EOGT: variants seen among roughly 807,000 people sequenced by gnomAD.
EOGT encodes the protein EGF domain specific O-linked N-acetylglucosamine transferase, also known as EGF domain-specific O-linked N-acetylglucosamine transferase.
Under a neutral mutation model 70.5 loss-of-function variants are expected in EOGT, and 55 were observed. The observed-to-expected ratio is 0.78, with a 90% confidence interval of 0.63 to 0.98. The LOEUF (loss-of-function observed/expected upper bound fraction) is 0.98. Ranked by LOEUF, EOGT falls within the 50% of genes least tolerant of loss-of-function variation. The pLI is 0.00. For missense variants in EOGT, 703 were observed against 641.9 expected (o/e 1.10, Z -1.03); for synonymous variants, 246 against 217.1 (o/e 1.13, Z -1.17).
At chr3:68,986,060 C>T (rs1196343066) in intron 14 of EOGT, among the ~76,000 whole-genome samples, 1 of 152,180 alleles carries the variant, frequency 6.6e-6, no homozygotes, top group African/African-American at 2.4e-5. Flanking sequence ...TTATATCTCC[C>T]TCTCCCACTT....
intron 10 of EOGT, among the ~76,000 whole-genome samples, chr3:68,990,074 T>A (rs1400248521): frequency 1.3e-5 from 2 of 152,204 alleles, no homozygotes; most frequent in East Asian, 3.8e-4. Flanking sequence ...TATATAATAA[T>A]AATAGCATCT....
chr3:68,992,514 G>T (rs2091022396), intron 10 of EOGT, among the ~76,000 whole-genome samples: 1 of 152,202 alleles, frequency 6.6e-6, no homozygotes, highest in East Asian at 1.9e-4. Context: ...CTGTGGTTTT[G>T]CAGGGTACAG....
At chr3:69,002,059 G>A (rs923660865) in intron 8 of EOGT, among the ~76,000 whole-genome samples, 11 of 152,206 alleles carry the variant, frequency 7.2e-5, no homozygotes, top group Non-Finnish European at 1.0e-4. Context: ...GCGTAGTGGC[G>A]AGCGCCTTTA....
intron 10 of EOGT, among the ~76,000 whole-genome samples, chr3:68,989,748 CAAA>C (rs56000169): frequency 3.2e-5 from 3 of 93,224 alleles, no homozygotes; most frequent in Non-Finnish European, 2.0e-5. Context: ...AACTCCATCT[CAAA>C]AAAAAAAAAA....
chr3:68,978,292 A>C, intron 17 of EOGT, 41 bp downstream of exon 17: 1 of 1,453,782 alleles, frequency 6.9e-7, no homozygotes, highest in Non-Finnish European at 9.6e-7. Context: ...CTTTAAACCA[A>C]TTAAAAATGA....
At chr3:68,979,146 A>G (rs1420119380) in intron 16 of EOGT, among the ~76,000 whole-genome samples, 1 of 152,198 alleles carries the variant, frequency 6.6e-6, no homozygotes, top group Non-Finnish European at 1.5e-5. Context: ...CACAGTGCCA[A>G]CAGCAGAATT....
Position 69,009,754 on chromosome 3 carries a change from G to A in EOGT, c.93C>T (p.Gly31=), listed in dbSNP as rs1447456756. Reference sequence around the variant, plus strand: ...TGCTGGCATAGTTATACAGAGGTTCGCCTGGAATGCTGTGAGTATTAGGAG... The same window carrying A: ...TGCTGGCATAGTTATACAGAGGTTCACCTGGAATGCTGTGAGTATTAGGAG... ...EAPPNTHSIP[G]EPLYNYASIR... Residue 31 remains glycine, a synonymous_variant, in exon 4 of 18, where the codon GGC becomes GGT. Coordinates refer to ENST00000383701, the MANE Select transcript of EOGT (RefSeq NM_001278689.2). The A allele has an allele frequency of 1.1e-5, 18 of 1,613,878 alleles. No individual in the cohort carries two copies. The highest frequency in any genetic ancestry group is 2.7e-5 in the African/African-American group (2 of 74,884).
chr3:68,987,071 A>G (rs2090832097), intron 14 of EOGT, among the ~76,000 whole-genome samples: 1 of 152,220 alleles, frequency 6.6e-6, no homozygotes, highest in Non-Finnish European at 1.5e-5. Context: ...TTCCAACTAA[A>G]TCTGCTGCTG....
intron 15 of EOGT, among the ~76,000 whole-genome samples, chr3:68,980,259 A>C (rs1361941242): frequency 2.0e-5 from 3 of 152,214 alleles, no homozygotes; most frequent in Admixed American, 2.0e-4. Flanking sequence ...TTTCCTTAGG[A>C]CAATAGAAGC....
intron 15 of EOGT, among the ~76,000 whole-genome samples, chr3:68,981,567 C>T (rs2107152577): frequency 6.6e-6 from 1 of 152,316 alleles, no homozygotes; most frequent in Admixed American, 6.5e-5. Flanking sequence ...ACTTTTCAAC[C>T]AGAAACATGT....
Position 68,977,575 on chromosome 3 carries a change from G to A in EOGT, c.*43C>T, listed in dbSNP as rs774330939. ...TGATTTAATTCTAAGTCTGGGTGTT[G>A]GAGTGTTTAAACACTCTCTTTTTGC... On this transcript the variant is annotated 3_prime_UTR_variant, in exon 18 of 18. Coordinates refer to ENST00000383701, the MANE Select transcript of EOGT (RefSeq NM_001278689.2). 4.4e-6 allele frequency: 7 copies of A among 1,591,548 alleles called. No individual in the cohort carries two copies. In the South Asian group the frequency reaches 7.8e-5, roughly 18 times the overall value.
intron 6 of EOGT, among the ~76,000 whole-genome samples, chr3:69,006,051 C>A (rs527353728): frequency 6.6e-6 from 1 of 152,228 alleles, no homozygotes; most frequent in South Asian, 2.1e-4. Flanking sequence ...TAGAAGCTAC[C>A]CAGTCTATGG....
chr3:69,009,733 G>A lies in EOGT; in HGVS notation c.114C>T (p.Ala38=). The change falls in exon 4 of 18, where the codon GCC becomes GCT. Residue 38 remains alanine (A), a synonymous_variant. Transcript: ENST00000383701. ...TGTGCTCCTCTGGCAAGCGGATGCT[G>A]GCATAGTTATACAGAGGTTCGCCTG... ...SIPGEPLYNY[A]SIRLPEEHIP... is the part of the protein sequence containing the mutation. 6.2e-7 allele frequency: 1 copy of A among 1,614,032 alleles called. No individual in the cohort carries two copies. Among genetic ancestry groups the A allele is most frequent in the Non-Finnish European group, 8.5e-7 (1 of 1,180,004 alleles).
intron 8 of EOGT, among the ~76,000 whole-genome samples, chr3:69,002,945 G>A (rs2091337403): frequency 6.6e-6 from 1 of 152,128 alleles, no homozygotes; most frequent in African/African-American, 2.4e-5. Flanking sequence ...TGTGATTATA[G>A]GCATGAGCCG....
At chr3:69,000,244 T>C (rs1045232657) in intron 9 of EOGT, among the ~76,000 whole-genome samples, 5 of 151,914 alleles carry the variant, frequency 3.3e-5, no homozygotes, top group African/African-American at 1.2e-4. Context: ...AAAAGTAAAA[T>C]TGGAAGACAG....
intron 13 of EOGT, chr3:68,987,958 A>T: frequency 2.8e-6 from 1 of 352,806 alleles, no homozygotes; most frequent in Non-Finnish European, 5.1e-6. Flanking sequence ...TCTGTCGCCC[A>T]GGCGGGAGTG....
chr3:68,987,467 C>T lies in EOGT; in HGVS notation c.1130G>A (p.Arg377Gln), dbSNP rs587776995. ...AACCTCATTTTGGTTAAGGATTTTCCGGTATTCTGTGCTCCGTGCAAGAAT... is the reference window on the plus strand; with the variant it reads ...AACCTCATTTTGGTTAAGGATTTTCTGGTATTCTGTGCTCCGTGCAAGAAT... ...VTILARSTEY[R>Q]KILNQNELVN... The change falls in exon 14 of 18, where the codon CGG becomes CAG. Residue 377 changes from arginine (R) to glutamine (Q), a missense_variant. Coordinates refer to ENST00000383701, the MANE Select transcript of EOGT (RefSeq NM_001278689.2). 11 of 1,613,262 alleles carry T rather than the reference C, an allele frequency of 6.8e-6. No individual in the cohort carries two copies. The highest frequency in any genetic ancestry group is 1.3e-5 in the African/African-American group (1 of 74,826).
Position 68,982,799 on chromosome 3 carries a change from G to T in EOGT, c.1214+12C>A. On this transcript the variant is annotated intron_variant, in intron 15 of 17. Transcript: ENST00000383701. ...AAGTTGACAGTGTCTGCTGAGATTG[G>T]CTATTACTTACCTATACTTGTAATC... 2 of 1,593,166 alleles carry T rather than the reference G, an allele frequency of 1.3e-6. No individual in the cohort carries two copies. Among genetic ancestry groups the T allele is most frequent in the Non-Finnish European group, 8.6e-7 (1 of 1,167,870 alleles).
chr3:68,977,750 G>C lies in EOGT; in HGVS notation c.1452C>G (p.Thr484=). The C allele has an allele frequency of 6.2e-7, 1 of 1,612,430 alleles. No homozygotes were observed. The highest frequency in any genetic ancestry group is 8.5e-7 in the Non-Finnish European group (1 of 1,179,338). The change falls in exon 18 of 18, where the codon ACC becomes ACG. Residue 484 remains threonine (T), a synonymous_variant. Coordinates refer to ENST00000383701, the MANE Select transcript of EOGT (RefSeq NM_001278689.2). ...VFPQDKGHHP[T]LGEHPKFTNY... ...TGGTGAACTTCGGGTGCTCCCCCAG[G>C]GTTGGATGGTGGCCCTGTGAAAATA... is the stretch of plus-strand genomic sequence containing the variant.
Sources: allele counts gnomAD v4.1 joint callset (sites outside exome capture counted in the v4.1 genomes callset), GRCh38; gene constraint gnomAD v4.1.1; transcripts MANE v1.5; gene names NCBI Gene and HGNC (gene_info 2026-07-23, HGNC 2026-07-21).